Variants in ADK observed in about 807,000 individuals in gnomAD.
ADK encodes the protein adenosine kinase, also known as N6,N6-dimethyladenosine kinase.
Under a neutral mutation model 44.7 loss-of-function variants are expected in ADK, and 24 were observed. The observed-to-expected ratio is 0.54, with a 90% CI of 0.39 to 0.76. ADK has a LOEUF of 0.76. Ranked by LOEUF, ADK falls within the 30% of genes least tolerant of loss-of-function variation. The pLI is 0.00. For missense variants in ADK, 321 were observed against 425.1 expected (o/e 0.76, Z 2.15); for synonymous variants, 128 against 142.6 (o/e 0.90, Z 0.73).
At chr10:74,629,541 A>G in intron 9 of ADK, among the ~76,000 whole-genome samples, 1 of 152,176 alleles carries the variant, frequency 6.6e-6, no homozygotes. Flanking sequence ...GCTAAATTAA[A>G]CCACTGCTAT....
In ADK at chr10:74,615,873, T is replaced by C. The variant is rs1483957433; in HGVS notation, c.877+15380T>C. 2.6e-5 allele frequency among the ~76,000 whole-genome samples: 4 copies of C among 152,026 alleles called. No homozygotes were observed. In the East Asian group the frequency reaches 7.7e-4, roughly 29 times the overall value. Reference sequence around the variant, plus strand: ...ACAGGTGCCCACCATCACGCCTGGCTCATTTTTTTATTTTTAGTAGTGACG... The same window carrying C: ...ACAGGTGCCCACCATCACGCCTGGCCCATTTTTTTATTTTTAGTAGTGACG... On this transcript the variant is annotated intron_variant, in intron 9 of 10. Transcript: ENST00000539909.
chr10:74,289,599 A>T (rs1457546801), intron 3 of ADK, among the ~76,000 whole-genome samples: 1 of 152,176 alleles, frequency 6.6e-6, no homozygotes, highest in African/African-American at 2.4e-5. Context: ...CAAAATGAAA[A>T]ATATAGAGAT....
intron 4 of ADK, among the ~76,000 whole-genome samples, chr10:74,366,310 G>A (rs1842497638): frequency 6.6e-6 from 1 of 152,076 alleles, no homozygotes; most frequent in Admixed American, 6.6e-5. Flanking sequence ...ACTCTGCTTA[G>A]CATTTCTTTA....
chr10:74,414,494 G>C (rs1479062117), intron 6 of ADK, among the ~76,000 whole-genome samples: 3 of 152,092 alleles, frequency 2.0e-5, no homozygotes, highest in African/African-American at 7.2e-5. Flanking sequence ...CCAGCATTTT[G>C]GGAGGCCGAG....
chr10:74,302,072 TGCTTTCTTTTCTTTTCTG>T (rs1840054333), intron 3 of ADK, among the ~76,000 whole-genome samples: 1 of 148,774 alleles, frequency 6.7e-6, no homozygotes, highest in African/African-American at 2.5e-5. Context: ...AGCTTATTTT[TGCTTTCTTTTCTTTTCTG>T]TTTTTTTTTT....
chr10:74,584,560 T>C (rs1438248847), intron 7 of ADK, among the ~76,000 whole-genome samples: 1 of 152,218 alleles, frequency 6.6e-6, no homozygotes, highest in Non-Finnish European at 1.5e-5. Context: ...TGAATTTTTA[T>C]TATACAGAGA....
Position 74,194,725 on chromosome 10 carries a change from G to C in ADK, c.66-6039G>C, listed in dbSNP as rs931335857. Among the ~76,000 whole-genome samples the C allele has an allele frequency of 3.9e-5, 6 of 152,294 alleles. No homozygotes were observed. The East Asian group carries it at 7.7e-4, about 20-fold the overall frequency. On this transcript the variant is annotated intron_variant, in intron 1 of 10. Transcript: ENST00000539909. ...GGAAATCCAGGTACAGGAAGCGTTT[G>C]ATAAAACCAAGATGATGTCGTTACT...
intron 7 of ADK, among the ~76,000 whole-genome samples, chr10:74,533,004 T>A (rs985419095): frequency 4.7e-5 from 7 of 150,014 alleles, no homozygotes; most frequent in Non-Finnish European, 8.9e-5. Context: ...AAATCTCAAA[T>A]GTATTTTTCT....
chr10:74,492,045 T>G (rs1273320800), intron 6 of ADK, among the ~76,000 whole-genome samples: 2 of 152,208 alleles, frequency 1.3e-5, no homozygotes, highest in Non-Finnish European at 2.9e-5. Flanking sequence ...ATTGTATGTA[T>G]GTATGTAGAG....
intron 10 of ADK, among the ~76,000 whole-genome samples, chr10:74,689,600 C>T (rs1780919336): frequency 6.6e-6 from 1 of 152,184 alleles, no homozygotes; most frequent in Admixed American, 6.5e-5. Flanking sequence ...GGGTTTAATT[C>T]AGCAGATAAT....
At chr10:74,217,553 G>A (rs1486403053) in intron 2 of ADK, among the ~76,000 whole-genome samples, 2 of 152,306 alleles carry the variant, frequency 1.3e-5, no homozygotes, top group South Asian at 2.1e-4. Flanking sequence ...ATCTGAGAAC[G>A]GGCAGACTGC....
At chr10:74,547,424 C>T (rs2133759562) in intron 7 of ADK, among the ~76,000 whole-genome samples, 1 of 134,936 alleles carries the variant, frequency 7.4e-6, no homozygotes, top group South Asian at 2.2e-4. Context: ...CATCATTTTT[C>T]CCACTTTATA....
intron 7 of ADK, among the ~76,000 whole-genome samples, chr10:74,541,824 C>T (rs544723254): frequency 3.2e-5 from 4 of 123,700 alleles, no homozygotes; most frequent in African/African-American, 9.3e-5. Context: ...AACAACACAA[C>T]ACAGAAATGC....
chr10:74,232,545 CGCA>C (rs1844807496), intron 3 of ADK, among the ~76,000 whole-genome samples: 75 of 94,746 alleles, frequency 7.9e-4, no homozygotes, highest in Middle Eastern at 5.6e-3. Flanking sequence ...ACAACCCCCC[CGCA>C]CCCCCCCCCC....
chr10:74,188,388 A>G (rs1271628517), intron 1 of ADK, among the ~76,000 whole-genome samples: 2 of 96,950 alleles, frequency 2.1e-5, no homozygotes, highest in African/African-American at 1.3e-4. Context: ...TTGCTTTGTC[A>G]CCCAGGCTGG....
intron 6 of ADK, among the ~76,000 whole-genome samples, chr10:74,453,629 A>G (rs1250834328): frequency 6.6e-6 from 1 of 152,052 alleles, no homozygotes; most frequent in African/African-American, 2.4e-5. Flanking sequence ...TTTTATGATT[A>G]TTTCCTTTCC....
intron 3 of ADK, among the ~76,000 whole-genome samples, chr10:74,295,195 C>T (rs1333768885): frequency 6.6e-6 from 1 of 151,988 alleles, no homozygotes; most frequent in Non-Finnish European, 1.5e-5. Context: ...GATGTGGTGG[C>T]TCACACCCGT....
At chr10:74,357,856 A>G (rs1257875222) in intron 4 of ADK, among the ~76,000 whole-genome samples, 2 of 152,162 alleles carry the variant, frequency 1.3e-5, no homozygotes, top group African/African-American at 4.8e-5. Flanking sequence ...AAAGTTATAG[A>G]TTGAGGCTGG....
At chr10:74,678,232 G>T (rs1400580873) in intron 10 of ADK, among the ~76,000 whole-genome samples, 1 of 151,710 alleles carries the variant, frequency 6.6e-6, no homozygotes, top group African/African-American at 2.4e-5. Context: ...CTATACCCTT[G>T]CACAGTGATA....
Sources: allele counts gnomAD v4.1 joint callset (sites outside exome capture counted in the v4.1 genomes callset), GRCh38; gene constraint gnomAD v4.1.1; transcripts MANE v1.5; gene names NCBI Gene and HGNC (gene_info 2026-07-23, HGNC 2026-07-21).